ARHGAP44: variants seen among roughly 807,000 people sequenced by gnomAD.
The protein encoded by ARHGAP44 is Rho GTPase activating protein 44.
ARHGAP44 carries 43 observed loss-of-function variants against 106.8 expected under a neutral mutation model. The ratio of observed to expected loss-of-function variants is 0.40; its 90% CI spans 0.32 to 0.52. ARHGAP44 has a LOEUF of 0.52. ARHGAP44 is among the 20% of genes least tolerant of loss of function. The pLI is 0.48. For synonymous variants in ARHGAP44, 439 were observed against 410.3 expected, an observed-to-expected ratio of 1.07 and a Z score of -0.85; for missense variants, 866 against 1,050.5, an observed-to-expected ratio of 0.82 and a Z score of 2.43.
rs750172702 is a variant in ARHGAP44 at position 12,944,027 on chromosome 17, T to C, written c.734-42T>C. On this transcript the variant is annotated intron_variant, in intron 9 of 20. Coordinates refer to ENST00000379672, the MANE Select transcript of ARHGAP44 (RefSeq NM_014859.6). ...AAGCGAGATTCCAGCATGAGTGAAC[T>C]TGGCGAACAGCTGACTGACTCTTTC... 41 of 1,551,332 alleles carry C rather than the reference T, an allele frequency of 2.6e-5. No homozygotes were observed. In the African/African-American group the frequency reaches 5.2e-4, roughly 20 times the overall value.
intron 20 of ARHGAP44, chr17:12,988,289 A>G (rs2040009682): frequency 6.6e-6 from 1 of 152,250 alleles, no homozygotes; most frequent in Admixed American, 6.5e-5. Context: ...CTGCTGAGGC[A>G]CAGGGAAGGT....
intron 1 of ARHGAP44, among the ~76,000 whole-genome samples, chr17:12,803,450 T>A (rs1412087116): frequency 6.6e-6 from 1 of 152,118 alleles, no homozygotes; most frequent in Non-Finnish European, 1.5e-5. Flanking sequence ...AGTTGGCTCC[T>A]ATGAATCCAT....
chr17:12,857,187 G>A (rs1460629126), intron 1 of ARHGAP44, among the ~76,000 whole-genome samples: 1 of 152,132 alleles, frequency 6.6e-6, no homozygotes, highest in African/African-American at 2.4e-5. Context: ...GCAAGGATCT[G>A]GTTAAATCCT....
chr17:12,888,704 G>T (rs1373870287), intron 1 of ARHGAP44, among the ~76,000 whole-genome samples: 6 of 152,096 alleles, frequency 3.9e-5, no homozygotes, highest in African/African-American at 1.4e-4. Flanking sequence ...TCCAACTATA[G>T]TTGTGTATTT....
chr17:12,909,053 G>A, intron 4 of ARHGAP44, 80 bp downstream of exon 4: 2 of 1,218,732 alleles, frequency 1.6e-6, no homozygotes, highest in East Asian at 2.6e-5. Context: ...ACCCTCTCAG[G>A]GAAGCACCTG....
At chr17:12,957,996 A>G (rs1308229398) in intron 15 of ARHGAP44, among the ~76,000 whole-genome samples, 3 of 152,196 alleles carry the variant, frequency 2.0e-5, no homozygotes, top group Admixed American at 2.0e-4. Flanking sequence ...AGTTGCGTTG[A>G]TAACAGAGTT....
chr17:12,796,501 G>A (rs1244018048), intron 1 of ARHGAP44, among the ~76,000 whole-genome samples: 6 of 152,224 alleles, frequency 3.9e-5, no homozygotes, highest in African/African-American at 7.2e-5. Flanking sequence ...GTGCTCAAGC[G>A]ATCCTCCATC....
intron 3 of ARHGAP44, among the ~76,000 whole-genome samples, chr17:12,902,055 T>C (rs1220819228): frequency 6.6e-6 from 1 of 152,170 alleles, no homozygotes; most frequent in African/African-American, 2.4e-5. Context: ...GGAGCCAATG[T>C]TTAAATTGGA....
intron 1 of ARHGAP44, 128 bp downstream of exon 1, chr17:12,790,019 C>T: frequency 4.5e-6 from 4 of 880,136 alleles, no homozygotes; most frequent in East Asian, 3.4e-5. Context: ...CACCAGCTCC[C>T]TCCAGGCGCC....
chr17:12,847,399 G>A (rs1437000010), intron 1 of ARHGAP44, among the ~76,000 whole-genome samples: 1 of 152,050 alleles, frequency 6.6e-6, no homozygotes, highest in Non-Finnish European at 1.5e-5. Context: ...AGGTTCTTGG[G>A]GTGGGAGAGA....
intron 1 of ARHGAP44, among the ~76,000 whole-genome samples, chr17:12,851,536 C>G (rs780933237): frequency 1.3e-5 from 2 of 151,900 alleles, no homozygotes; most frequent in African/African-American, 2.4e-5. Context: ...GGCGTGATCT[C>G]GGCTCACCAC....
Position 12,984,522 on chromosome 17 carries a change from C to T in ARHGAP44, c.1940-9C>T. On this transcript the variant is annotated splice_polypyrimidine_tract_variant and intron_variant, in intron 19 of 20. Transcript: ENST00000379672. The stretch of plus-strand genomic sequence containing the variant: ...GTGTTTTGTTGTTGTGTTGTGTTTT[C>T]TCTTTCAGTTTCAAAGAAGCTGGCA... The T allele has an allele frequency of 6.6e-7, 1 of 1,512,172 alleles. No individual in the cohort carries two copies. The highest frequency in any genetic ancestry group is 1.3e-5 in the South Asian group (1 of 75,570). 93.7% of individuals were successfully genotyped at this position (1,512,172 alleles called of 1,614,324 possible). A position where few individuals can be genotyped will look rare whatever the true frequency, so the allele number is the denominator to read the frequency against.
chr17:12,852,931 T>C lies in ARHGAP44; in HGVS notation c.54-42009T>C, dbSNP rs1241089071. On this transcript the variant is annotated intron_variant, in intron 1 of 20. Coordinates refer to ENST00000379672, the MANE Select transcript of ARHGAP44 (RefSeq NM_014859.6). ...CAGGTGGATTTTTTAAAGAGGAACATAAGAGCAAGATATTCGAAGTGTGAG... is the reference window on the plus strand; with the variant it reads ...CAGGTGGATTTTTTAAAGAGGAACACAAGAGCAAGATATTCGAAGTGTGAG... Among the ~76,000 whole-genome samples, 4 of 152,136 alleles carry C rather than the reference T, an allele frequency of 2.6e-5. No individual in the cohort carries two copies. In the East Asian group the frequency reaches 7.7e-4, roughly 29 times the overall value.
At chr17:12,895,125 G>T in intron 2 of ARHGAP44, 146 bp downstream of exon 2, 1 of 697,188 alleles carries the variant, frequency 1.4e-6, no homozygotes, top group South Asian at 2.1e-5. Context: ...GCGAGACTCT[G>T]TCTCAAAACA....
At chr17:12,971,611 A>T (rs1008015217) in intron 16 of ARHGAP44, among the ~76,000 whole-genome samples, 2 of 152,198 alleles carry the variant, frequency 1.3e-5, no homozygotes, top group African/African-American at 4.8e-5. Context: ...TGTAAATACC[A>T]GGGGATGTAA....
intron 1 of ARHGAP44, among the ~76,000 whole-genome samples, chr17:12,842,155 A>T (rs1366507382): frequency 1.3e-5 from 2 of 151,878 alleles, no homozygotes. Context: ...GTTTAAAAAA[A>T]AAAAAAAGTC....
chr17:12,908,453 T>C (rs1232515665), intron 3 of ARHGAP44, among the ~76,000 whole-genome samples: 1 of 152,192 alleles, frequency 6.6e-6, no homozygotes, highest in East Asian at 1.9e-4. Flanking sequence ...CGCCTCGGCC[T>C]CTGCCTCATG....
chr17:12,974,204 G>GCTGCGCCCCTGC lies in ARHGAP44; in HGVS notation c.1660_1671dup (p.Ala554_Pro557dup). On this transcript the variant is annotated inframe_insertion, in exon 18 of 21. Transcript: ENST00000379672. Reference sequence around the variant, plus strand: ...GCCTCCCGCCCCGCCCGCCGAGCTGGCTGCGCCCCTGCCTTCGCCGCTGCC... The same window carrying GCTGCGCCCCTGC: ...GCCTCCCGCCCCGCCCGCCGAGCTGGCTGCGCCCCTGCCTGCGCCCCTGCCTTCGCCGCTGCC... The GCTGCGCCCCTGC allele has an allele frequency of 4.5e-6, 7 of 1,548,100 alleles. No individual in the cohort carries two copies. The highest frequency in any genetic ancestry group is 6.1e-6 in the Non-Finnish European group (7 of 1,146,464).
At position 12,956,745 on chromosome 17, in the gene ARHGAP44, G is replaced by A; in HGVS notation, c.1341G>A (p.Gly447=). 3 of 1,613,936 alleles carry A rather than the reference G, an allele frequency of 1.9e-6. No homozygotes were observed. The highest frequency in any genetic ancestry group is 2.5e-6 in the Non-Finnish European group (3 of 1,179,880). The stretch of plus-strand genomic sequence containing the variant: ...AGCATGCAGACTGGTTCTTCCCTGG[G>A]GGTAGGTGACAGCACCTAGGTGTGG... ...IIQHADWFFP[G]EIEFNITGNY... The change falls in exon 15 of 21, where the codon GGG becomes GGA. Residue 447 remains glycine, a splice_region_variant and synonymous_variant. Transcript: ENST00000379672.
Sources: gnomAD v4.1 joint callset for allele counts (sites outside exome capture counted in the v4.1 genomes callset) on GRCh38, gnomAD v4.1.1 for gene constraint, MANE v1.5 for transcripts, NCBI Gene and HGNC (gene_info 2026-07-23, HGNC 2026-07-21) for gene names.